The following SOS2 variants were observed in gnomAD, a reference collection of about 807,000 sequenced individuals.
SOS2 encodes son of sevenless homolog 2.
In SOS2, 65 loss-of-function variants were observed where a neutral mutation model predicts 148.2. The observed-to-expected ratio is 0.44, with a 90% CI of 0.36 to 0.54. The LOEUF is 0.54. SOS2 is among the 20% of genes least tolerant of loss of function. The pLI is 0.00. For synonymous variants in SOS2, 539 were observed against 537.1 expected, an observed-to-expected ratio of 1.00 and a Z score of -0.05; for missense variants, 1,341 against 1,590.2, an observed-to-expected ratio of 0.84 and a Z score of 2.67.
intron 8 of SOS2, among the ~76,000 whole-genome samples, chr14:50,168,913 ATTTTT>A (rs2139659803): frequency 6.6e-6 from 1 of 152,298 alleles, no homozygotes; most frequent in Admixed American, 6.5e-5. Context: ...TTTAAATATT[ATTTTT>A]TATTTTCCAA....
intron 4 of SOS2, among the ~76,000 whole-genome samples, chr14:50,195,384 A>G (rs1247495589): frequency 6.6e-6 from 1 of 152,212 alleles, no homozygotes; most frequent in East Asian, 1.9e-4. Context: ...AAATCCTGCC[A>G]CATGAAGATT....
Position 50,159,030 on chromosome 14 carries a change from GA to G in SOS2, c.1853-385del, listed in dbSNP as rs201452360. Among the ~76,000 whole-genome samples, 367 of 149,042 alleles carry G rather than the reference GA, an allele frequency of 2.5e-3. 1 individual carries two copies. Among genetic ancestry groups the G allele is most frequent in the African/African-American group, 7.0e-3 (287 of 40,732 alleles). The stretch of plus-strand genomic sequence containing the variant: ...AAACCCCATCTCTACTAAAAATAAA[GA>G]AAAAAAAAATTAGCCGGGCATTGTT... On this transcript the variant is annotated intron_variant, in intron 10 of 22. Coordinates refer to ENST00000216373, the MANE Select transcript of SOS2 (RefSeq NM_006939.4).
chr14:50,149,440 TA>T (rs575516939), intron 14 of SOS2, among the ~76,000 whole-genome samples: 2 of 147,272 alleles, frequency 1.4e-5, no homozygotes, highest in Admixed American at 6.8e-5. Flanking sequence ...ATATGAAAAC[TA>T]AAAAAAAAAT....
At chr14:50,178,012 A>T (rs1461134547) in intron 7 of SOS2, among the ~76,000 whole-genome samples, 2 of 152,210 alleles carry the variant, frequency 1.3e-5, no homozygotes, top group African/African-American at 4.8e-5. Flanking sequence ...ACAGAACAGA[A>T]AAACAGGGGC....
chr14:50,193,877 T>G (rs941999095), intron 4 of SOS2, among the ~76,000 whole-genome samples: 1 of 151,970 alleles, frequency 6.6e-6, no homozygotes, highest in African/African-American at 2.4e-5. Context: ...CCTGAGTAGC[T>G]GGGATTATAG....
chr14:50,212,909 G>A (rs1445260213), intron 1 of SOS2, among the ~76,000 whole-genome samples: 1 of 152,168 alleles, frequency 6.6e-6, no homozygotes, highest in Non-Finnish European at 1.5e-5. Flanking sequence ...ATGATGTTCA[G>A]CCTGGAATCC....
intron 19 of SOS2, 129 bp from the exon 20 acceptor site, chr14:50,130,891 C>A (rs1442952733): frequency 1.5e-6 from 1 of 676,320 alleles, no homozygotes; most frequent in East Asian, 2.8e-5. Context: ...GTCCTTCAGT[C>A]TGCAATGACA....
rs567990123 is a variant in SOS2, at chr14:50,132,396, C to T, written c.3076-1634G>A. Among the ~76,000 whole-genome samples the T allele has an allele frequency of 3.4e-5, 5 of 145,082 alleles. No individual in the cohort carries two copies. In the South Asian group the frequency reaches 8.8e-4, roughly 26 times the overall value. On this transcript the variant is annotated intron_variant, in intron 19 of 22. Coordinates refer to ENST00000216373, the MANE Select transcript of SOS2 (RefSeq NM_006939.4). ...AAAAAAAAGGCTGGGCATGGTGGCT[C>T]ACACCTGTAATCCCATCACTTTGGG...
chr14:50,135,642 C>CTTT (rs56043962), intron 18 of SOS2, among the ~76,000 whole-genome samples: 1,718 of 82,610 alleles, frequency 0.021, 54 homozygotes, highest in Non-Finnish European at 0.022. Flanking sequence ...ATGTGGTTTG[C>CTTT]TTTTTTTTTT....
In SOS2 at chr14:50,118,391, G is replaced by A. The variant is rs140995728; in HGVS notation, c.3952C>T (p.Pro1318Ser). Residue 1318 changes from proline (P) to serine (S), a missense_variant, in exon 23 of 23, where the codon CCA becomes TCA. Physicochemically the swap from Pro to Ser is moderately conservative, Grantham distance 74. Coordinates refer to ENST00000216373, the MANE Select transcript of SOS2 (RefSeq NM_006939.4). ...TCTAGCAAAGGCAGTCTGTACAATGGGGGGTGCGAAAGCTCCCGTTTGTAA... is the reference window on the plus strand; with the variant it reads ...TCTAGCAAAGGCAGTCTGTACAATGAGGGGTGCGAAAGCTCCCGTTTGTAA... ...KTYKRELSHP[P>S]LYRLPLLENA... 1,235 of 1,614,102 alleles carry A rather than the reference G, an allele frequency of 7.7e-4. 1 individual carries two copies. The highest frequency in any genetic ancestry group is 9.8e-4 in the Non-Finnish European group (1,160 of 1,180,004).
In SOS2 at chr14:50,156,994, CA is replaced by C; in HGVS notation, c.2057+4del. The C allele has an allele frequency of 2.6e-6, 4 of 1,549,880 alleles. No homozygotes were observed. The highest frequency in any genetic ancestry group is 3.5e-6 in the Non-Finnish European group (4 of 1,140,490). On this transcript the variant is annotated splice_donor_region_variant and intron_variant, in intron 12 of 22. Transcript: ENST00000216373. ...ATATATATATAAAAAATATTCAAGCCAAACCTAAGTTGTACTGGTTGGACAT... is the reference window on the plus strand; with the variant it reads ...ATATATATATAAAAAATATTCAAGCCAACCTAAGTTGTACTGGTTGGACAT...
intron 6 of SOS2, 28 bp downstream of exon 6, chr14:50,182,435 G>A: frequency 1.2e-6 from 2 of 1,605,570 alleles, no homozygotes; most frequent in Non-Finnish European, 1.7e-6. Context: ...GGGCTTTAAT[G>A]AGAATATAAG....
chr14:50,185,917 C>A (rs1004874733), intron 5 of SOS2, among the ~76,000 whole-genome samples: 5 of 152,040 alleles, frequency 3.3e-5, no homozygotes, highest in African/African-American at 1.2e-4. Flanking sequence ...GAAACAGAGG[C>A]ATAGAGCAGT....
In SOS2 at chr14:50,159,811, T is replaced by C; in HGVS notation, c.1472A>G (p.Lys491Arg). ...YSSAEYRLKEKFVMRKIQICD... is the reference protein window; with the variant it reads ...YSSAEYRLKERFVMRKIQICD... ...AATTTGTATTTTCCTCATGACAAAT[T>C]TTTCTTTTAACCTGTATTCTGCACT... Residue 491 changes from lysine to arginine, a missense_variant, in exon 10 of 23, where the codon AAA becomes AGA. Lys to Arg is a conservative substitution (Grantham distance 26). Around this residue, in one of 4 missense-constraint regions of SOS2, gnomAD observed 574 missense variants for 711.1 expected, o/e 0.81. Transcript: ENST00000216373. 1 of 1,614,144 alleles carries C rather than the reference T, an allele frequency of 6.2e-7. No individual in the cohort carries two copies. Among genetic ancestry groups the C allele is most frequent in the Non-Finnish European group, 8.5e-7 (1 of 1,180,016 alleles).
At chr14:50,146,209 G>A (rs1884466948) in intron 14 of SOS2, among the ~76,000 whole-genome samples, 1 of 151,322 alleles carries the variant, frequency 6.6e-6, no homozygotes, top group Non-Finnish European at 1.5e-5. Flanking sequence ...AATAAAACAG[G>A]AACACCAATA....
chr14:50,221,990 T>C (rs1376038457), intron 1 of SOS2, among the ~76,000 whole-genome samples: 1 of 152,058 alleles, frequency 6.6e-6, no homozygotes, highest in Non-Finnish European at 1.5e-5. Context: ...AAATATCATA[T>C]TAGAATTATG....
intron 4 of SOS2, among the ~76,000 whole-genome samples, chr14:50,193,843 C>G (rs1886232630): frequency 6.6e-6 from 1 of 151,872 alleles, no homozygotes. Context: ...CTCCCAGGTT[C>G]AAGCAATTCT....
chr14:50,150,186 T>C lies in SOS2; in HGVS notation c.2206A>G (p.Arg736Gly). The C allele has an allele frequency of 6.2e-7, 1 of 1,613,542 alleles. No homozygotes were observed. The highest frequency in any genetic ancestry group is 8.5e-7 in the Non-Finnish European group (1 of 1,179,470). ...TTTGCCTGAGCTTGCTTCTTCCTCC[T>C]GATGATCTTAGCAATTGACTCTACC... ...KWVESIAKII[R>G]RKKQAQANGV... The change falls in exon 14 of 23, where the codon AGG becomes GGG. Residue 736 changes from arginine to glycine, a missense_variant. By Grantham distance (125) the Arg-to-Gly change is moderately radical (BLOSUM62 -2). Transcript: ENST00000216373.
At chr14:50,129,816 G>C (rs1769238007) in intron 21 of SOS2, 145 bp downstream of exon 21, 1 of 560,522 alleles carries the variant, frequency 1.8e-6, no homozygotes, top group African/African-American at 1.9e-5. Context: ...AGCTTAAGTA[G>C]TACACAGTTG....
Sources: allele counts gnomAD v4.1 joint callset (sites outside exome capture counted in the v4.1 genomes callset), GRCh38; gene constraint gnomAD v4.1.1; regional missense constraint gnomAD v4.1.1; transcripts MANE v1.5; gene names NCBI Gene and HGNC (gene_info 2026-07-23, HGNC 2026-07-21).